Variants in ARHGAP20 observed in about 807,000 individuals in gnomAD.
ARHGAP20 encodes Rho GTPase activating protein 20, also known as rho GTPase-activating protein 20.
Under a neutral mutation model 73.7 loss-of-function variants are expected in ARHGAP20, and 34 were observed. The observed-to-expected ratio is 0.46, with a 90% confidence interval of 0.35 to 0.61. The LOEUF is 0.61. Among genes scored for constraint, ARHGAP20 ranks in the 20% least tolerant of loss-of-function variants. The probability of loss-of-function intolerance (pLI) is 0.00; values close to 1 mark genes in which losing one functional copy is unlikely to be tolerated. For missense variants in ARHGAP20, 1,314 were observed against 1,420.9 expected (o/e 0.92, Z 1.21); for synonymous variants, 523 against 518.2 (o/e 1.01, Z -0.13).
intron 1 of ARHGAP20, among the ~76,000 whole-genome samples, chr11:110,704,907 TA>T (rs1408452114): frequency 6.6e-6 from 1 of 152,170 alleles, no homozygotes; most frequent in East Asian, 1.9e-4. Flanking sequence ...GTATGAGTAA[TA>T]AAACTCCATT....
chr11:110,675,776 C>T (rs1368714754), intron 2 of ARHGAP20, among the ~76,000 whole-genome samples: 1 of 152,174 alleles, frequency 6.6e-6, no homozygotes, highest in Non-Finnish European at 1.5e-5. Context: ...ACTTATCCCT[C>T]AAAACCCAGC....
At chr11:110,589,066 C>T (rs1421777898) in intron 11 of ARHGAP20, among the ~76,000 whole-genome samples, 5 of 150,874 alleles carry the variant, frequency 3.3e-5, no homozygotes, top group African/African-American at 4.9e-5. Context: ...AGTGAGACCC[C>T]GACTGAAAAA....
intron 12 of ARHGAP20, among the ~76,000 whole-genome samples, chr11:110,584,906 A>AAT (rs201408302): frequency 2.6e-5 from 3 of 115,266 alleles, no homozygotes; most frequent in Non-Finnish European, 5.9e-5. Context: ...AATATATGTG[A>AAT]ATATATATAT....
At chr11:110,698,701 G>A (rs116884996) in intron 1 of ARHGAP20, among the ~76,000 whole-genome samples, 4 of 151,730 alleles carry the variant, frequency 2.6e-5, no homozygotes, top group Admixed American at 6.6e-5. Flanking sequence ...TAGTTTATAC[G>A]CATAGAGGTG....
chr11:110,643,368 A>G (rs1160790105), intron 2 of ARHGAP20, among the ~76,000 whole-genome samples: 1 of 151,974 alleles, frequency 6.6e-6, no homozygotes, highest in Non-Finnish European at 1.5e-5. Flanking sequence ...TTAGATTGTT[A>G]ATTTGAGCTC....
intron 8 of ARHGAP20, 91 bp from the exon 9 acceptor site, chr11:110,606,840 C>T (rs764008311): frequency 4.4e-6 from 5 of 1,148,488 alleles, no homozygotes; most frequent in Non-Finnish European, 5.8e-6. Flanking sequence ...CAATTTACTC[C>T]TGGGACTTTT....
At chr11:110,587,680 C>T (rs1217017125) in intron 11 of ARHGAP20, among the ~76,000 whole-genome samples, 1 of 152,028 alleles carries the variant, frequency 6.6e-6, no homozygotes, top group Admixed American at 6.6e-5. Context: ...TTAATGGGAG[C>T]CAAGAGAAGG....
intron 4 of ARHGAP20, among the ~76,000 whole-genome samples, chr11:110,617,528 G>A (rs1168824622): frequency 6.6e-6 from 1 of 152,158 alleles, no homozygotes; most frequent in African/African-American, 2.4e-5. Flanking sequence ...CTCCCAAAGT[G>A]CTGGGATTAC....
chr11:110,684,352 A>G (rs1950092351), intron 2 of ARHGAP20, among the ~76,000 whole-genome samples: 1 of 152,156 alleles, frequency 6.6e-6, no homozygotes, highest in African/African-American at 2.4e-5. Context: ...TTCTTTCTTA[A>G]AAAAGGGAAA....
Position 110,577,433 on chromosome 11 carries a change from G to T in ARHGAP20, c.*1937C>A. Reference sequence around the variant, plus strand: ...AACCTCAGCAACTATTTTCTTCTATGCTTCAAATTGGGTGAATGATTTTTT... The same window carrying T: ...AACCTCAGCAACTATTTTCTTCTATTCTTCAAATTGGGTGAATGATTTTTT... On this transcript the variant is annotated 3_prime_UTR_variant, in exon 15 of 15. Coordinates refer to ENST00000683387, the MANE Select transcript of ARHGAP20 (RefSeq NM_001384657.1). The T allele has an allele frequency of 9.1e-7, 1 of 1,093,138 alleles. No individual in the cohort carries two copies. The highest frequency in any genetic ancestry group is 1.1e-6 in the Non-Finnish European group (1 of 901,266). The allele number at this position is 1,093,138 out of a possible 1,614,324, so 67.7% of individuals were successfully genotyped here. A position where few individuals can be genotyped will look rare whatever the true frequency, so the allele number is the denominator to read the frequency against.
intron 2 of ARHGAP20, among the ~76,000 whole-genome samples, chr11:110,639,097 A>G (rs1421491277): frequency 6.6e-6 from 1 of 152,096 alleles, no homozygotes; most frequent in East Asian, 1.9e-4. Flanking sequence ...ATCTATATGT[A>G]CTGTCTAGAC....
rs371479584 is a variant in ARHGAP20 at position 110,580,383 on chromosome 11, G to A, written c.2563C>T (p.Arg855Cys). 43 of 1,614,082 alleles carry A rather than the reference G, an allele frequency of 2.7e-5. No homozygotes were observed. Among genetic ancestry groups the A allele is most frequent in the South Asian group, 1.2e-4 (11 of 91,080 alleles). ...CSEPNIEDQN[R>C]KLTYLRGIYS... The stretch of plus-strand genomic sequence containing the variant: ...ATTCCCCTGAGATAGGTCAGCTTGC[G>A]GTTCTGGTCTTCTATGTTGGGCTCT... Residue 855 changes from arginine (R) to cysteine (C), a missense_variant, in exon 15 of 15, where the codon CGC (arginine) becomes TGC (cysteine). By Grantham distance (180) the Arg-to-Cys change is radical. Transcript: ENST00000683387.
At chr11:110,663,890 G>A (rs938431145) in intron 2 of ARHGAP20, among the ~76,000 whole-genome samples, 2 of 151,882 alleles carry the variant, frequency 1.3e-5, no homozygotes, top group African/African-American at 4.8e-5. Context: ...TATATGAAAA[G>A]GATATTACAT....
intron 9 of ARHGAP20, among the ~76,000 whole-genome samples, chr11:110,595,854 G>C (rs979255613): frequency 3.3e-5 from 5 of 152,030 alleles, no homozygotes; most frequent in Admixed American, 2.0e-4. Flanking sequence ...TAAGCCAAAA[G>C]AACAAAGCTG....
intron 2 of ARHGAP20, among the ~76,000 whole-genome samples, chr11:110,674,219 C>T (rs1949886333): frequency 1.3e-5 from 2 of 152,214 alleles, no homozygotes; most frequent in Admixed American, 1.3e-4. Flanking sequence ...CAGGCGTGAG[C>T]CACCACACCC....
intron 2 of ARHGAP20, among the ~76,000 whole-genome samples, chr11:110,651,449 A>T (rs1234613399): frequency 2.6e-5 from 4 of 151,974 alleles, no homozygotes; most frequent in African/African-American, 4.8e-5. Flanking sequence ...GTTTTTTTTT[A>T]AATTTAATGA....
At chr11:110,695,599 C>T (rs1950320772) in intron 1 of ARHGAP20, among the ~76,000 whole-genome samples, 1 of 151,534 alleles carries the variant, frequency 6.6e-6, no homozygotes, top group African/African-American at 2.4e-5. Flanking sequence ...AATTAGCCAT[C>T]AGGGAAATGC....
intron 2 of ARHGAP20, among the ~76,000 whole-genome samples, chr11:110,648,194 T>G (rs1057089251): frequency 8.3e-5 from 7 of 84,574 alleles, no homozygotes; most frequent in African/African-American, 3.1e-4. Flanking sequence ...TATATGTAAA[T>G]ATATATATAT....
At chr11:110,619,651 A>G (rs887558392) in intron 4 of ARHGAP20, among the ~76,000 whole-genome samples, 4 of 151,602 alleles carry the variant, frequency 2.6e-5, no homozygotes, top group African/African-American at 7.3e-5. Context: ...GTGATAGAGT[A>G]TATGTAGTGA....
Sources: allele counts gnomAD v4.1 joint callset (sites outside exome capture counted in the v4.1 genomes callset), GRCh38; gene constraint gnomAD v4.1.1; transcripts MANE v1.5; gene names NCBI Gene and HGNC (gene_info 2026-07-23, HGNC 2026-07-21).